AFF3: variants seen among roughly 807,000 people sequenced by gnomAD.
AFF3 encodes the protein AF4/FMR2 family member 3.
In AFF3, 32 loss-of-function variants were observed where a neutral mutation model predicts 129.7. The observed-to-expected ratio is 0.25, with a 90% confidence interval of 0.19 to 0.33. AFF3 has a LOEUF of 0.33. Among genes scored for constraint, AFF3 ranks in the 10% least tolerant of loss-of-function variants. The pLI is 1.00. For synonymous variants in AFF3, 644 were observed against 635.4 expected (o/e 1.01, Z -0.20); for missense variants, 1,373 against 1,592.0 (o/e 0.86, Z 2.34).
At chr2:99,556,893 G>A (rs1674975637) in intron 22 of AFF3, among the ~76,000 whole-genome samples, 1 of 151,460 alleles carries the variant, frequency 6.6e-6, no homozygotes, top group Non-Finnish European at 1.5e-5. Context: ...CTGCACTCTA[G>A]CCTGGGCAAC....
At chr2:99,777,961 A>AC in intron 8 of AFF3, among the ~76,000 whole-genome samples, 1 of 151,846 alleles carries the variant, frequency 6.6e-6, no homozygotes, top group Non-Finnish European at 1.5e-5. Flanking sequence ...AAAAAAAAAA[A>AC]AAAAAAAAAA....
chr2:100,087,443 A>C (rs901315827), intron 4 of AFF3, among the ~76,000 whole-genome samples: 3 of 152,136 alleles, frequency 2.0e-5, no homozygotes, highest in Non-Finnish European at 4.4e-5. Context: ...GTGTCATATA[A>C]GAAATTACAT....
intron 18 of AFF3, among the ~76,000 whole-genome samples, chr2:99,572,878 G>C (rs568111130): frequency 1.3e-4 from 20 of 152,318 alleles, no homozygotes; most frequent in African/African-American, 4.6e-4. Flanking sequence ...TGGGTAGCAA[G>C]GATTCAAACA....
intron 7 of AFF3, among the ~76,000 whole-genome samples, chr2:99,881,690 AG>A (rs148084635): frequency 0.037 from 5,577 of 152,278 alleles, 359 homozygotes; most frequent in African/African-American, 0.13. Flanking sequence ...TGTTTTATTC[AG>A]AAGTGATTTG....
At chr2:100,041,048 A>G (rs1685384873) in intron 4 of AFF3, among the ~76,000 whole-genome samples, 1 of 152,230 alleles carries the variant, frequency 6.6e-6, no homozygotes. Context: ...ATAACCTCAC[A>G]AGGATGAGAG....
At chr2:99,838,942 T>G (rs1298443489) in intron 7 of AFF3, among the ~76,000 whole-genome samples, 1 of 152,110 alleles carries the variant, frequency 6.6e-6, no homozygotes, top group African/African-American at 2.4e-5. Flanking sequence ...TTCACTTGAG[T>G]TAGGCGCCAG....
chr2:100,059,254 C>CAAAAAAAAAAAAAAAAAAAAA (rs59005550), intron 4 of AFF3, among the ~76,000 whole-genome samples: 1 of 31,002 alleles, frequency 3.2e-5, no homozygotes, highest in Non-Finnish European at 5.2e-5. Flanking sequence ...ACTCTGTCTC[C>CAAAAAAAAAAAAAAAAAAAAA]AAAAAAAAAA....
intron 13 of AFF3, among the ~76,000 whole-genome samples, chr2:99,643,602 C>T (rs1684419787): frequency 6.6e-6 from 1 of 152,162 alleles, no homozygotes. Flanking sequence ...ACACATTACC[C>T]AGAAAGGTAC....
intron 11 of AFF3, among the ~76,000 whole-genome samples, chr2:99,702,783 G>C (rs1200507416): frequency 6.6e-6 from 1 of 152,128 alleles, no homozygotes. Context: ...CTAAGGTCTG[G>C]GAGTTCTTTA....
intron 4 of AFF3, among the ~76,000 whole-genome samples, chr2:100,090,426 A>T (rs1460925465): frequency 6.6e-6 from 1 of 152,210 alleles, no homozygotes; most frequent in Non-Finnish European, 1.5e-5. Context: ...GCAAGAAATT[A>T]TATAGGCAGT....
intron 4 of AFF3, among the ~76,000 whole-genome samples, chr2:100,038,473 G>A (rs572910940): frequency 7.9e-4 from 120 of 151,902 alleles, no homozygotes; most frequent in African/African-American, 2.8e-3. Context: ...ACCATTTTGT[G>A]AGCTAATAAC....
intron 11 of AFF3, among the ~76,000 whole-genome samples, chr2:99,710,429 G>C (rs1323884701): frequency 6.6e-6 from 1 of 152,076 alleles, no homozygotes; most frequent in African/African-American, 2.4e-5. Flanking sequence ...ACTAATTTTT[G>C]TATTTTTAGT....
At chr2:99,707,216 C>G (rs1017362854) in intron 11 of AFF3, 3 of 985,378 alleles carry the variant, frequency 3.0e-6, no homozygotes, top group Middle Eastern at 5.2e-4. Flanking sequence ...AGTTAAAAAG[C>G]CATCTCCTAC....
intron 7 of AFF3, among the ~76,000 whole-genome samples, chr2:99,927,826 T>C (rs1041100322): frequency 3.3e-5 from 5 of 152,204 alleles, no homozygotes; most frequent in Non-Finnish European, 5.9e-5. Context: ...GGGAGACTGA[T>C]ATGGTTTGGG....
intron 8 of AFF3, among the ~76,000 whole-genome samples, chr2:99,818,463 C>T (rs905517647): frequency 1.3e-5 from 2 of 152,122 alleles, no homozygotes; most frequent in Non-Finnish European, 2.9e-5. Context: ...TCAATTTCCC[C>T]TCCTGTGTCT....
intron 7 of AFF3, among the ~76,000 whole-genome samples, chr2:99,867,790 C>T (rs534372746): frequency 6.6e-6 from 1 of 152,256 alleles, no homozygotes; most frequent in Admixed American, 6.5e-5. Flanking sequence ...TTCCAGAAGA[C>T]AGTGCTGAGG....
intron 7 of AFF3, among the ~76,000 whole-genome samples, chr2:99,843,475 C>A (rs1689475312): frequency 6.6e-6 from 1 of 152,166 alleles, no homozygotes; most frequent in Admixed American, 6.5e-5. Context: ...AACAGAGCAT[C>A]AAAATGAGAT....
chr2:99,949,045 A>G (rs1675903566), intron 7 of AFF3, among the ~76,000 whole-genome samples: 1 of 152,124 alleles, frequency 6.6e-6, no homozygotes, highest in Non-Finnish European at 1.5e-5. Flanking sequence ...CAAGGGGTAA[A>G]TCCATGGATT....
chr2:99,751,497 C>T (rs1681651695), intron 9 of AFF3, among the ~76,000 whole-genome samples: 2 of 152,208 alleles, frequency 1.3e-5, no homozygotes, highest in Non-Finnish European at 2.9e-5. Flanking sequence ...GAAAAATATA[C>T]ATATTTTCTA....
Sources: gnomAD v4.1 joint callset for allele counts (sites outside exome capture counted in the v4.1 genomes callset) on GRCh38, gnomAD v4.1.1 for gene constraint, MANE v1.5 for transcripts, NCBI Gene and HGNC (gene_info 2026-07-23, HGNC 2026-07-21) for gene names.